Variants in REV3L observed in about 807,000 individuals in gnomAD.
REV3L encodes the protein DNA polymerase zeta catalytic subunit.
Under a neutral mutation model 299.4 loss-of-function variants are expected in REV3L, and 69 were observed. The ratio of observed to expected loss-of-function variants is 0.23; its 90% CI spans 0.19 to 0.28. The LOEUF (loss-of-function observed/expected upper bound fraction) is 0.28. Ranked by LOEUF, REV3L falls within the 10% of genes least tolerant of loss-of-function variation. The pLI, the probability that REV3L is intolerant of heterozygous loss-of-function variation, is 1.00. For missense variants in REV3L, 3,128 were observed against 3,693.8 expected (o/e 0.85, Z 3.97); for synonymous variants, 1,238 against 1,271.4 (o/e 0.97, Z 0.56).
intron 7 of REV3L, among the ~76,000 whole-genome samples, chr6:111,388,550 A>G (rs2128252146): frequency 6.6e-6 from 1 of 152,262 alleles, no homozygotes; most frequent in African/African-American, 2.4e-5. Flanking sequence ...TCACTCTTTT[A>G]CCTTTATTTT....
chr6:111,346,819 C>T (rs1025496580), intron 20 of REV3L, among the ~76,000 whole-genome samples: 3 of 152,148 alleles, frequency 2.0e-5, no homozygotes, highest in African/African-American at 7.2e-5. Flanking sequence ...AATATTTGTT[C>T]TCTAATTTGC....
At chr6:111,463,629 T>A (rs74625331) in intron 1 of REV3L, among the ~76,000 whole-genome samples, 1 of 152,176 alleles carries the variant, frequency 6.6e-6, no homozygotes, top group Admixed American at 6.6e-5. Flanking sequence ...ATACAGTAAA[T>A]TTTCACTTAA....
chr6:111,342,561 G>C (rs1027052434), intron 21 of REV3L, among the ~76,000 whole-genome samples: 1 of 151,824 alleles, frequency 6.6e-6, no homozygotes, highest in Admixed American at 6.6e-5. Context: ...CCAGGTACTC[G>C]GGAGGCTGAG....
At position 111,375,433 on chromosome 6, in the gene REV3L, GA is replaced by G; in HGVS notation, c.2921del (p.Val974AlafsTer3). 6.3e-7 allele frequency: 1 copy of G among 1,599,834 alleles called. No individual in the cohort carries two copies. Among genetic ancestry groups the G allele is most frequent in the African/African-American group, 1.4e-5 (1 of 73,748 alleles). On this transcript the variant is annotated frameshift_variant, in exon 13 of 32. Coordinates refer to ENST00000368802, the MANE Select transcript of REV3L (RefSeq NM_001372078.1). LOFTEE classifies it high-confidence loss of function. ...RRKMSKKLPP[V>X]IIKYIIINRF... Reference sequence around the variant, plus strand: ...TATTAATAATAATATACTTTATGATGACAGGGGGCAGCTTTTTAGACATTTT... The same window carrying G: ...TATTAATAATAATATACTTTATGATGCAGGGGGCAGCTTTTTAGACATTTT...
chr6:111,409,154 A>G lies in REV3L; in HGVS notation c.404+2326T>C, dbSNP rs1012459166. On this transcript the variant is annotated intron_variant, in intron 3 of 31. Transcript: ENST00000368802. ...GGATTATTACATCAGCTTCTGTTCA[A>G]TCTGTTGCAGTATATTGCTTTTGTT... 2.6e-5 allele frequency among the ~76,000 whole-genome samples: 4 copies of G among 152,226 alleles called. No individual in the cohort carries two copies. In the East Asian group the frequency reaches 7.7e-4, roughly 29 times the overall value.
intron 1 of REV3L, among the ~76,000 whole-genome samples, chr6:111,425,826 A>G (rs1364363100): frequency 6.6e-6 from 1 of 152,192 alleles, no homozygotes; most frequent in African/African-American, 2.4e-5. Flanking sequence ...TACCAAATAG[A>G]GAATATCAAT....
rs376113852 is a variant in REV3L, at chr6:111,377,677, C to G, written c.1597+24G>C. 21 of 1,599,498 alleles carry G rather than the reference C, an allele frequency of 1.3e-5. No homozygotes were observed. In the African/African-American group the frequency reaches 2.7e-4, roughly 21 times the overall value. ...TTTTTAGATCGTGAATAACCAATTTCTCACAGTAGACTTGTTTACTTACCA... is the reference window on the plus strand; with the variant it reads ...TTTTTAGATCGTGAATAACCAATTTGTCACAGTAGACTTGTTTACTTACCA... On this transcript the variant is annotated intron_variant, in intron 12 of 31. Transcript: ENST00000368802.
chr6:111,315,411 T>A lies in REV3L; in HGVS notation c.8352-30A>T, dbSNP rs748063363. On this transcript the variant is annotated intron_variant, in intron 26 of 31. Coordinates refer to ENST00000368802, the MANE Select transcript of REV3L (RefSeq NM_001372078.1). ...GGGGATTAAAAATAAAGTAAGGTAA[T>A]GAGGAAGTCATTATAACAAAAATTT... 6.4e-6 allele frequency: 10 copies of A among 1,572,832 alleles called. No homozygotes were observed. In the East Asian group the frequency reaches 2.0e-4, roughly 32 times the overall value.
chr6:111,319,410 G>A (rs1359026438), intron 26 of REV3L, among the ~76,000 whole-genome samples: 1 of 151,990 alleles, frequency 6.6e-6, no homozygotes, highest in Non-Finnish European at 1.5e-5. Context: ...GCAGTGAGCT[G>A]AGATTGCGCC....
chr6:111,301,156 ACC>A (rs1173304581), intron 31 of REV3L, among the ~76,000 whole-genome samples: 2 of 152,002 alleles, frequency 1.3e-5, no homozygotes, highest in South Asian at 2.1e-4. Context: ...CTCCTGCAGC[ACC>A]CCCAGGCTTG....
At chr6:111,379,103 C>T (rs1298943477) in intron 11 of REV3L, among the ~76,000 whole-genome samples, 1 of 152,118 alleles carries the variant, frequency 6.6e-6, no homozygotes, top group Non-Finnish European at 1.5e-5. Context: ...ATTGGTTCAG[C>T]CACTGAACAT....
Position 111,343,121 on chromosome 6 carries a change from A to G in REV3L, c.7538+804T>C, listed in dbSNP as rs1776690008. Among the ~76,000 whole-genome samples the G allele has an allele frequency of 2.0e-5, 3 of 152,240 alleles. No individual in the cohort carries two copies. The South Asian group carries it at 6.2e-4, about 31-fold the overall frequency. ...AATGTATGTTCACATGCTGACTCATATGCAAATCTTTATTGCAGTTTTATT... is the reference window on the plus strand; with the variant it reads ...AATGTATGTTCACATGCTGACTCATGTGCAAATCTTTATTGCAGTTTTATT... On this transcript the variant is annotated intron_variant, in intron 21 of 31. Transcript: ENST00000368802.
intron 25 of REV3L, among the ~76,000 whole-genome samples, chr6:111,328,041 T>G (rs1448106099): frequency 6.6e-6 from 1 of 152,218 alleles, no homozygotes; most frequent in Non-Finnish European, 1.5e-5. Context: ...CAAGTTACTC[T>G]GTTCTTTTCT....
At chr6:111,447,804 C>T (rs1789029785) in intron 1 of REV3L, among the ~76,000 whole-genome samples, 1 of 152,164 alleles carries the variant, frequency 6.6e-6, no homozygotes, top group African/African-American at 2.4e-5. Flanking sequence ...GTCCTTGATA[C>T]ATAATAGATG....
At chr6:111,331,146 TAA>T (rs1775335409) in intron 24 of REV3L, 1 of 426,824 alleles carries the variant, frequency 2.3e-6, no homozygotes, top group Non-Finnish European at 3.1e-6. Context: ...CTTTAATTTG[TAA>T]AGTTTTCCTC....
intron 31 of REV3L, among the ~76,000 whole-genome samples, chr6:111,306,482 C>T (rs922938960): frequency 6.6e-6 from 1 of 152,084 alleles, no homozygotes; most frequent in African/African-American, 2.4e-5. Context: ...TGCGAGGTGG[C>T]AAATTTTTCT....
chr6:111,304,961 G>A (rs1169449877), intron 31 of REV3L, among the ~76,000 whole-genome samples: 1 of 145,238 alleles, frequency 6.9e-6, no homozygotes, highest in Non-Finnish European at 1.5e-5. Context: ...TTTTTTTTGA[G>A]ACAGAGTTTC....
chr6:111,306,314 C>T (rs549282078), intron 31 of REV3L, among the ~76,000 whole-genome samples: 237 of 152,022 alleles, frequency 1.6e-3, no homozygotes, highest in African/African-American at 5.3e-3. Context: ...CAGGAGGAGG[C>T]GGCGAGGGGC....
At chr6:111,457,649 A>G (rs955070376) in intron 1 of REV3L, among the ~76,000 whole-genome samples, 6 of 151,820 alleles carry the variant, frequency 4.0e-5, no homozygotes, top group South Asian at 2.1e-4. Context: ...ATCATGTTAG[A>G]AAAAAAACAA....
Sources: allele counts gnomAD v4.1 joint callset (sites outside exome capture counted in the v4.1 genomes callset), GRCh38; gene constraint gnomAD v4.1.1; transcripts MANE v1.5; gene names NCBI Gene and HGNC (gene_info 2026-07-23, HGNC 2026-07-21).